Variants in RBMS3 observed in about 807,000 individuals in gnomAD.
RBMS3 encodes the protein RNA binding motif single stranded interacting protein 3, also known as RNA-binding motif, single-stranded-interacting protein 3.
A neutral mutation model predicts 66.8 loss-of-function variants in RBMS3; 27 were observed. The ratio of observed to expected loss-of-function variants is 0.40; its 90% CI spans 0.30 to 0.56. The LOEUF (loss-of-function observed/expected upper bound fraction) is 0.56. Ranked by LOEUF, RBMS3 falls within the 20% of genes least tolerant of loss-of-function variation. RBMS3 has a pLI of 0.40. For missense variants in RBMS3, 513 were observed against 549.5 expected (o/e 0.93, Z 0.66); for synonymous variants, 188 against 183.0 (o/e 1.03, Z -0.22).
At chr3:29,937,901 T>C (rs1252272124) in intron 11 of RBMS3, among the ~76,000 whole-genome samples, 1 of 151,964 alleles carries the variant, frequency 6.6e-6, no homozygotes, top group Non-Finnish European at 1.5e-5. Context: ...TCCCTCCATA[T>C]CAGCCTTCGT....
chr3:29,914,990 T>C (rs1360943212), intron 10 of RBMS3, among the ~76,000 whole-genome samples: 4 of 151,734 alleles, frequency 2.6e-5, no homozygotes, highest in Non-Finnish European at 5.9e-5. Context: ...AAGAAAGCAA[T>C]AAACCTTTGC....
chr3:29,960,155 T>C (rs1696329374), intron 12 of RBMS3, among the ~76,000 whole-genome samples: 1 of 152,222 alleles, frequency 6.6e-6, no homozygotes, highest in South Asian at 2.1e-4. Context: ...ACTTCCTAGA[T>C]ACAATGTGAG....
At chr3:29,472,331 G>T (rs987261408) in intron 2 of RBMS3, among the ~76,000 whole-genome samples, 41 of 152,022 alleles carry the variant, frequency 2.7e-4, no homozygotes, top group African/African-American at 9.4e-4. Flanking sequence ...CAGTAGCTAG[G>T]ATTACAGGCG....
intron 2 of RBMS3, among the ~76,000 whole-genome samples, chr3:29,458,268 G>C (rs1378774928): frequency 6.6e-6 from 1 of 152,198 alleles, no homozygotes. Context: ...CTGATGGAAA[G>C]AGAGTGCTAC....
intron 6 of RBMS3, among the ~76,000 whole-genome samples, chr3:29,810,671 A>G (rs1384620823): frequency 6.6e-6 from 1 of 152,216 alleles, no homozygotes; most frequent in African/African-American, 2.4e-5. Flanking sequence ...GGTGTAACAC[A>G]TGTATACATA....
chr3:29,674,855 TC>T (rs2051171855), intron 4 of RBMS3, among the ~76,000 whole-genome samples: 1 of 150,986 alleles, frequency 6.6e-6, no homozygotes, highest in Non-Finnish European at 1.5e-5. Context: ...TTAAATGCCA[TC>T]CCCATCAAGC....
At chr3:29,758,317 A>G (rs182543793) in intron 5 of RBMS3, among the ~76,000 whole-genome samples, 36 of 152,332 alleles carry the variant, frequency 2.4e-4, no homozygotes, top group Admixed American at 1.0e-3. Context: ...GTCATGAGAC[A>G]ACAGTTCTAT....
chr3:29,715,367 G>A (rs2053348435), intron 4 of RBMS3, among the ~76,000 whole-genome samples: 1 of 152,120 alleles, frequency 6.6e-6, no homozygotes. Context: ...AACTGGTTAA[G>A]TTAGTAAAAT....
intron 1 of RBMS3, among the ~76,000 whole-genome samples, chr3:29,291,342 G>A (rs2032797649): frequency 1.3e-5 from 2 of 151,864 alleles, no homozygotes; most frequent in African/African-American, 2.4e-5. Context: ...CCAAATTTCC[G>A]GGGAGGGACA....
intron 1 of RBMS3, among the ~76,000 whole-genome samples, chr3:29,329,459 A>G (rs1285402542): frequency 6.6e-6 from 1 of 152,176 alleles, no homozygotes; most frequent in East Asian, 1.9e-4. Flanking sequence ...TTGATATACA[A>G]TAAAAGCCAC....
At chr3:29,561,552 G>A (rs1457742180) in intron 3 of RBMS3, among the ~76,000 whole-genome samples, 12 of 151,982 alleles carry the variant, frequency 7.9e-5, no homozygotes, top group Admixed American at 5.9e-4. Flanking sequence ...TCATTGGTTC[G>A]AGCAATTCCC....
intron 6 of RBMS3, among the ~76,000 whole-genome samples, chr3:29,770,107 G>A (rs1463775078): frequency 6.6e-6 from 1 of 151,794 alleles, no homozygotes; most frequent in Non-Finnish European, 1.5e-5. Flanking sequence ...CTGTTTTCTG[G>A]CATGGCAAAT....
intron 10 of RBMS3, among the ~76,000 whole-genome samples, chr3:29,924,470 A>C (rs955605819): frequency 1.3e-5 from 2 of 152,130 alleles, no homozygotes; most frequent in African/African-American, 4.8e-5. Context: ...GTATTAAAAA[A>C]TAAATTTCTA....
intron 3 of RBMS3, among the ~76,000 whole-genome samples, chr3:29,535,142 G>C (rs2045505278): frequency 6.6e-6 from 1 of 152,008 alleles, no homozygotes; most frequent in Admixed American, 6.6e-5. Flanking sequence ...CAGAAAAAGG[G>C]GTTCATGAGT....
At position 29,523,265 on chromosome 3, in the gene RBMS3, C is replaced by T. The variant is rs149686508; in HGVS notation, c.307+34766C>T. Among the ~76,000 whole-genome samples, 23 of 152,294 alleles carry T rather than the reference C, an allele frequency of 1.5e-4. No individual in the cohort carries two copies. The East Asian group carries it at 3.3e-3, about 22-fold the overall frequency. On this transcript the variant is annotated intron_variant, in intron 3 of 14. Coordinates refer to ENST00000383767, the MANE Select transcript of RBMS3 (RefSeq NM_001003793.3). ...ACTGAGCACCCAGTAGTGGGCACGA[C>T]GTAGCAGGTGCTCATTAAATACTTG...
chr3:29,709,314 G>A (rs1051252304), intron 4 of RBMS3, among the ~76,000 whole-genome samples: 3 of 152,096 alleles, frequency 2.0e-5, no homozygotes, highest in African/African-American at 4.8e-5. Context: ...GCTCTTGTTA[G>A]CAATGCCAGC....
Position 29,297,754 on chromosome 3 carries a change from C to T in RBMS3, c.75+15998C>T, listed in dbSNP as rs912445549. ...AAGGTTCCAGGATACCTTTTGTCCC[C>T]TAGAGTAAATAAATTAGAGGGGAGA... On this transcript the variant is annotated intron_variant, in intron 1 of 14. Transcript: ENST00000383767. Among the ~76,000 whole-genome samples the T allele has an allele frequency of 3.3e-5, 5 of 151,884 alleles. 1 individual carries two copies. The highest frequency in any genetic ancestry group is 2.0e-4 in the East Asian group (1 of 5,108).
At chr3:29,328,256 T>A (rs1049352188) in intron 1 of RBMS3, among the ~76,000 whole-genome samples, 1 of 152,212 alleles carries the variant, frequency 6.6e-6, no homozygotes, top group Non-Finnish European at 1.5e-5. Flanking sequence ...AGCACAAGAA[T>A]ATATAATGGT....
chr3:29,805,111 G>T lies in RBMS3; in HGVS notation c.637+42122G>T, dbSNP rs1412675760. Reference sequence around the variant, plus strand: ...ATCATGCATTGCATAACAACCTCTTGGTTAATGATGGACTGTGTATATGAT... The same window carrying T: ...ATCATGCATTGCATAACAACCTCTTTGTTAATGATGGACTGTGTATATGAT... On this transcript the variant is annotated intron_variant, in intron 6 of 14. Coordinates refer to ENST00000383767, the MANE Select transcript of RBMS3 (RefSeq NM_001003793.3). 3.9e-5 allele frequency among the ~76,000 whole-genome samples: 6 copies of T among 152,026 alleles called. 1 individual carries two copies. Among genetic ancestry groups the T allele is most frequent in the African/African-American group, 1.4e-4 (6 of 41,492 alleles).
Sources: gnomAD v4.1 joint callset for allele counts (sites outside exome capture counted in the v4.1 genomes callset) on GRCh38, gnomAD v4.1.1 for gene constraint, MANE v1.5 for transcripts, NCBI Gene and HGNC (gene_info 2026-07-23, HGNC 2026-07-21) for gene names.